Variants in CNTNAP2 observed in about 807,000 individuals in gnomAD.
The protein encoded by CNTNAP2 is contactin-associated protein-like 2.
A neutral mutation model predicts 155.2 loss-of-function variants in CNTNAP2; 98 were observed. The observed-to-expected ratio is 0.63, with a 90% CI of 0.54 to 0.75. The LOEUF (loss-of-function observed/expected upper bound fraction) is 0.75. CNTNAP2 is among the 30% of genes least tolerant of loss of function. The probability of loss-of-function intolerance (pLI) is 0.00; values close to 1 mark genes in which losing one functional copy is unlikely to be tolerated. For missense variants in CNTNAP2, 1,727 were observed against 1,688.1 expected (o/e 1.02, Z -0.40); for synonymous variants, 651 against 631.2 (o/e 1.03, Z -0.47).
chr7:147,918,832 CT>C (rs1211526641), intron 14 of CNTNAP2, among the ~76,000 whole-genome samples: 1 of 152,148 alleles, frequency 6.6e-6, no homozygotes, highest in Non-Finnish European at 1.5e-5. Flanking sequence ...CCTTAGGTTA[CT>C]ATATTAGGCA....
chr7:148,334,789 T>TG (rs1203632503), intron 21 of CNTNAP2, among the ~76,000 whole-genome samples: 1 of 152,216 alleles, frequency 6.6e-6, no homozygotes, highest in Non-Finnish European at 1.5e-5. Flanking sequence ...TGCAAAGGCC[T>TG]GCCTGGGGGA....
chr7:147,445,175 G>A (rs983731788), intron 10 of CNTNAP2, among the ~76,000 whole-genome samples: 7 of 152,268 alleles, frequency 4.6e-5, no homozygotes, highest in Admixed American at 6.5e-5. Flanking sequence ...ATGACTAGCC[G>A]AATGTTAACC....
chr7:147,251,237 T>A (rs1442532591), intron 8 of CNTNAP2, among the ~76,000 whole-genome samples: 1 of 152,144 alleles, frequency 6.6e-6, no homozygotes, highest in African/African-American at 2.4e-5. Flanking sequence ...TTGTGATAAG[T>A]ACCCAGCATC....
At chr7:147,222,000 T>A (rs1035824872) in intron 8 of CNTNAP2, among the ~76,000 whole-genome samples, 1 of 152,124 alleles carries the variant, frequency 6.6e-6, no homozygotes, top group African/African-American at 2.4e-5. Context: ...ACCCACCCCC[T>A]CTCTGGCTTC....
chr7:147,179,160 T>C (rs1302033674), intron 8 of CNTNAP2, among the ~76,000 whole-genome samples: 1 of 152,206 alleles, frequency 6.6e-6, no homozygotes, highest in Non-Finnish European at 1.5e-5. Context: ...TTCCAATAAA[T>C]TCATTAATTC....
chr7:147,830,178 AAC>A (rs951870449), intron 13 of CNTNAP2, among the ~76,000 whole-genome samples: 3 of 139,492 alleles, frequency 2.2e-5, no homozygotes, highest in Non-Finnish European at 3.1e-5. Flanking sequence ...AAAAAAAAAA[AAC>A]ATAAACTAGG....
chr7:146,490,106 G>C (rs1199951036), intron 1 of CNTNAP2, among the ~76,000 whole-genome samples: 1 of 152,042 alleles, frequency 6.6e-6, no homozygotes, highest in African/African-American at 2.4e-5. Flanking sequence ...TTTGGAGGGG[G>C]GATTTCACTG....
At chr7:146,684,658 A>AAAAAAAAAAAAAAC in intron 1 of CNTNAP2, among the ~76,000 whole-genome samples, 1 of 151,276 alleles carries the variant, frequency 6.6e-6, no homozygotes, top group Non-Finnish European at 1.5e-5. Flanking sequence ...AAAAAAAAAA[A>AAAAAAAAAAAAAAC]AGCTGGAGGA....
chr7:146,781,179 G>C (rs1232580047), intron 2 of CNTNAP2, among the ~76,000 whole-genome samples: 3 of 147,324 alleles, frequency 2.0e-5, no homozygotes, highest in Non-Finnish European at 3.0e-5. Context: ...ACTGAGCCCA[G>C]ATCGCGCCAC....
intron 1 of CNTNAP2, among the ~76,000 whole-genome samples, chr7:146,127,728 G>A (rs779389639): frequency 3.3e-5 from 5 of 152,088 alleles, no homozygotes; most frequent in Admixed American, 6.5e-5. Context: ...AATTAAAGAC[G>A]TGTCAACAAA....
At chr7:147,262,784 C>T (rs1053621612) in intron 8 of CNTNAP2, among the ~76,000 whole-genome samples, 92 of 151,972 alleles carry the variant, frequency 6.1e-4, no homozygotes, top group Non-Finnish European at 1.1e-3. Flanking sequence ...CCAGCCTGGG[C>T]GACAGACAGA....
At chr7:147,953,222 C>T (rs534037094) in intron 14 of CNTNAP2, among the ~76,000 whole-genome samples, 2 of 152,236 alleles carry the variant, frequency 1.3e-5, no homozygotes, top group Admixed American at 1.3e-4. Context: ...ATTGTCTCTT[C>T]CCCCTAAACT....
chr7:147,735,494 T>C (rs1304861123), intron 13 of CNTNAP2, among the ~76,000 whole-genome samples: 5 of 152,176 alleles, frequency 3.3e-5, no homozygotes, highest in African/African-American at 1.2e-4. Context: ...AGAATGTATA[T>C]TCTGTTGATT....
At chr7:148,337,503 C>T (rs1798141500) in intron 21 of CNTNAP2, among the ~76,000 whole-genome samples, 1 of 152,214 alleles carries the variant, frequency 6.6e-6, no homozygotes, top group Non-Finnish European at 1.5e-5. Flanking sequence ...TTGGGAACCA[C>T]TGCTTTCAGT....
intron 1 of CNTNAP2, among the ~76,000 whole-genome samples, chr7:146,235,952 ATGTG>A (rs34046295): frequency 0.031 from 4,590 of 149,160 alleles, 60 homozygotes; most frequent in Admixed American, 0.035. Context: ...ACATATGGAA[ATGTG>A]TGTGTGTGTG....
At chr7:146,817,294 A>C (rs1803190979) in intron 2 of CNTNAP2, among the ~76,000 whole-genome samples, 2 of 151,890 alleles carry the variant, frequency 1.3e-5, no homozygotes, top group Admixed American at 1.3e-4. Flanking sequence ...TAACATGGAG[A>C]AACCCTGCTT....
At chr7:147,735,285 T>A (rs1014011497) in intron 13 of CNTNAP2, among the ~76,000 whole-genome samples, 10 of 152,216 alleles carry the variant, frequency 6.6e-5, no homozygotes, top group Non-Finnish European at 1.3e-4. Context: ...ATGTACTTAG[T>A]AGTCATTCAG....
intron 1 of CNTNAP2, among the ~76,000 whole-genome samples, chr7:146,634,346 T>C (rs1401695137): frequency 6.6e-6 from 1 of 152,202 alleles, no homozygotes; most frequent in African/African-American, 2.4e-5. Flanking sequence ...AAAGAATAAT[T>C]AGAACATTAA....
chr7:146,361,620 G>A (rs1400237055), intron 1 of CNTNAP2, among the ~76,000 whole-genome samples: 2 of 152,136 alleles, frequency 1.3e-5, no homozygotes, highest in African/African-American at 4.8e-5. Flanking sequence ...CTGATTCTGT[G>A]TCGAATGGTT....
Sources: allele counts gnomAD v4.1 joint callset (sites outside exome capture counted in the v4.1 genomes callset), GRCh38; gene constraint gnomAD v4.1.1; transcripts MANE v1.5; gene names NCBI Gene and HGNC (gene_info 2026-07-23, HGNC 2026-07-21).